The following UST variants were observed in gnomAD, a reference collection of about 807,000 sequenced individuals.
UST encodes chondroitin sulfate 2-O-sulfotransferase.
UST carries 21 observed loss-of-function variants against 45.6 expected under a neutral mutation model. That is an observed-to-expected ratio of 0.46 (90% confidence interval 0.33 to 0.66). The LOEUF (loss-of-function observed/expected upper bound fraction) is 0.66. UST is among the 30% of genes least tolerant of loss of function. The probability of loss-of-function intolerance (pLI) is 0.02; values close to 1 mark genes in which losing one functional copy is unlikely to be tolerated. For missense variants in UST, 463 were observed against 512.4 expected (o/e 0.90, Z 0.93); for synonymous variants, 215 against 200.6 (o/e 1.07, Z -0.61).
chr6:149,021,311 T>C lies in UST; in HGVS notation c.780-13T>C. The C allele has an allele frequency of 6.3e-7, 1 of 1,583,688 alleles. No individual in the cohort carries two copies. The highest frequency in any genetic ancestry group is 8.6e-7 in the Non-Finnish European group (1 of 1,165,078). Reference sequence around the variant, plus strand: ...GAATGTCTGATTTTAAATAAATTTTTATATCCATAAAGGGAGCCTGGTGAA... The same window carrying C: ...GAATGTCTGATTTTAAATAAATTTTCATATCCATAAAGGGAGCCTGGTGAA... On this transcript the variant is annotated splice_polypyrimidine_tract_variant and intron_variant, in intron 6 of 7. Coordinates refer to ENST00000367463, the MANE Select transcript of UST (RefSeq NM_005715.3).
At chr6:148,905,758 A>G (rs971097110) in intron 2 of UST, among the ~76,000 whole-genome samples, 4 of 152,202 alleles carry the variant, frequency 2.6e-5, no homozygotes, top group African/African-American at 9.6e-5. Flanking sequence ...CTTGAGGAAT[A>G]TATGATCTTA....
intron 2 of UST, among the ~76,000 whole-genome samples, chr6:148,915,710 A>G (rs1779576338): frequency 6.6e-6 from 1 of 152,270 alleles, no homozygotes. Flanking sequence ...TCTTGGAAAG[A>G]AAAGATTGGC....
chr6:148,780,459 C>T (rs1311440088), intron 1 of UST, among the ~76,000 whole-genome samples: 1 of 152,194 alleles, frequency 6.6e-6, no homozygotes, highest in East Asian at 1.9e-4. Flanking sequence ...CCAGTGGAGG[C>T]CCTGGTGTCT....
At chr6:149,064,759 C>A (rs1776708356) in intron 7 of UST, among the ~76,000 whole-genome samples, 1 of 152,152 alleles carries the variant, frequency 6.6e-6, no homozygotes, top group Non-Finnish European at 1.5e-5. Context: ...CTGAGGCAAA[C>A]TGGAAAGCCC....
chr6:148,924,264 G>GCCCTTCTCTGACAGC (rs1779770499), intron 2 of UST, among the ~76,000 whole-genome samples: 1 of 152,082 alleles, frequency 6.6e-6, no homozygotes, highest in Non-Finnish European at 1.5e-5. Flanking sequence ...CTTGCTCTAG[G>GCCCTTCTCTGACAGC]CCCTTCTCTG....
At chr6:148,759,926 G>C (rs1336545498) in intron 1 of UST, among the ~76,000 whole-genome samples, 2 of 148,130 alleles carry the variant, frequency 1.4e-5, no homozygotes, top group East Asian at 3.9e-4. Context: ...CTTTTCTCTT[G>C]AGAATCACTG....
At chr6:148,817,310 C>T (rs976710579) in intron 1 of UST, among the ~76,000 whole-genome samples, 1 of 152,168 alleles carries the variant, frequency 6.6e-6, no homozygotes, top group African/African-American at 2.4e-5. Flanking sequence ...GGAACGCAGC[C>T]ATGCACATTT....
At chr6:148,760,571 C>G (rs1776195510) in intron 1 of UST, among the ~76,000 whole-genome samples, 1 of 152,030 alleles carries the variant, frequency 6.6e-6, no homozygotes, top group Admixed American at 6.6e-5. Flanking sequence ...ACACATAAAT[C>G]TTGTCCAGAC....
At chr6:148,847,828 G>A (rs1398888125) in intron 1 of UST, among the ~76,000 whole-genome samples, 1 of 152,338 alleles carries the variant, frequency 6.6e-6, no homozygotes, top group East Asian at 1.9e-4. Flanking sequence ...CATGTTCACT[G>A]GCACAGAAGA....
intron 1 of UST, among the ~76,000 whole-genome samples, chr6:148,884,077 G>T (rs1778870780): frequency 6.7e-6 from 1 of 149,678 alleles, no homozygotes; most frequent in African/African-American, 2.5e-5. Flanking sequence ...AGGTTGCAGT[G>T]AGCCAAGATT....
intron 2 of UST, among the ~76,000 whole-genome samples, chr6:148,888,119 G>T (rs1778944239): frequency 6.6e-6 from 1 of 152,146 alleles, no homozygotes; most frequent in Non-Finnish European, 1.5e-5. Flanking sequence ...AGCTTCTGGG[G>T]AGGCTTCAGG....
chr6:149,001,384 C>T (rs1055688097), intron 5 of UST, among the ~76,000 whole-genome samples: 1 of 152,274 alleles, frequency 6.6e-6, no homozygotes, highest in South Asian at 2.1e-4. Context: ...AGATGTGATC[C>T]TTCATACTAA....
At chr6:148,858,538 T>TG (rs1388176946) in intron 1 of UST, among the ~76,000 whole-genome samples, 1 of 152,078 alleles carries the variant, frequency 6.6e-6, no homozygotes, top group African/African-American at 2.4e-5. Context: ...AGGGTACATG[T>TG]GCACAATGTG....
At chr6:149,006,691 G>A (rs912570962) in intron 5 of UST, among the ~76,000 whole-genome samples, 8 of 152,190 alleles carry the variant, frequency 5.3e-5, no homozygotes. Flanking sequence ...CACAATGGTT[G>A]AACTAATTTA....
chr6:148,906,097 T>A (rs1779353273), intron 2 of UST, among the ~76,000 whole-genome samples: 1 of 148,476 alleles, frequency 6.7e-6, no homozygotes, highest in Non-Finnish European at 1.5e-5. Flanking sequence ...GTAAGCCCCA[T>A]CCAGCATGAT....
intron 7 of UST, among the ~76,000 whole-genome samples, chr6:149,045,555 C>A (rs758621112): frequency 6.6e-6 from 1 of 152,088 alleles, no homozygotes; most frequent in Non-Finnish European, 1.5e-5. Context: ...GGGTACCCTG[C>A]GGATCTCTAG....
chr6:148,904,521 A>T (rs1779321259), intron 2 of UST, among the ~76,000 whole-genome samples: 1 of 152,016 alleles, frequency 6.6e-6, no homozygotes, highest in Non-Finnish European at 1.5e-5. Flanking sequence ...CTTATTTACA[A>T]TTTAGTAATG....
At chr6:149,061,176 G>A (rs938593053) in intron 7 of UST, among the ~76,000 whole-genome samples, 1 of 152,060 alleles carries the variant, frequency 6.6e-6, no homozygotes. Flanking sequence ...GCAGCAGCTG[G>A]GTTTATACAG....
chr6:148,827,903 A>T (rs1205458153), intron 1 of UST, among the ~76,000 whole-genome samples: 1 of 152,064 alleles, frequency 6.6e-6, no homozygotes, highest in African/African-American at 2.4e-5. Context: ...TTTTGTTTTT[A>T]TGACTTTTTG....
Sources: allele counts gnomAD v4.1 joint callset (sites outside exome capture counted in the v4.1 genomes callset), GRCh38; gene constraint gnomAD v4.1.1; transcripts MANE v1.5; gene names NCBI Gene and HGNC (gene_info 2026-07-23, HGNC 2026-07-21).